FBXW10: variants seen among roughly 807,000 people sequenced by gnomAD.
The protein encoded by FBXW10 is F-box/WD repeat-containing protein 10.
FBXW10 carries 68 observed loss-of-function variants against 113.1 expected under a neutral mutation model. The ratio of observed to expected loss-of-function variants is 0.60; its 90% CI spans 0.49 to 0.74. The LOEUF (loss-of-function observed/expected upper bound fraction) is 0.74, where lower values mean the gene tolerates loss of function less well. Ranked by LOEUF, FBXW10 falls within the 30% of genes least tolerant of loss-of-function variation. The probability of loss-of-function intolerance (pLI) is 0.00; values close to 1 mark genes in which losing one functional copy is unlikely to be tolerated. For synonymous variants in FBXW10, 289 were observed against 481.6 expected (o/e 0.60, Z 5.24); for missense variants, 753 against 1,284.5 (o/e 0.59, Z 6.32).
At chr17:18,757,713 G>A (rs1042737864) in intron 6 of FBXW10, among the ~76,000 whole-genome samples, 1 of 152,214 alleles carries the variant, frequency 6.6e-6, no homozygotes, top group Non-Finnish European at 1.5e-5. Context: ...ACATTATTTG[G>A]TCATCCTGTT....
chr17:18,764,098 C>T (rs2035438954), intron 7 of FBXW10, among the ~76,000 whole-genome samples: 1 of 146,490 alleles, frequency 6.8e-6, no homozygotes, highest in South Asian at 2.3e-4. Flanking sequence ...AAAATATCTC[C>T]AGATATTTCC....
intron 7 of FBXW10, among the ~76,000 whole-genome samples, chr17:18,759,880 A>C (rs1347020753): frequency 1.3e-5 from 2 of 152,034 alleles, no homozygotes; most frequent in African/African-American, 4.8e-5. Context: ...CTCCTAAAGT[A>C]CTGGGATTAC....
At chr17:18,749,977 C>T in intron 3 of FBXW10, 33 bp from the exon 4 acceptor site, 1 of 1,613,928 alleles carries the variant, frequency 6.2e-7, no homozygotes, top group Non-Finnish European at 8.5e-7. Flanking sequence ...TGGCCCAGTT[C>T]TGGGGTTTCT....
chr17:18,767,324 C>T (rs1163012239), intron 9 of FBXW10, among the ~76,000 whole-genome samples: 1 of 151,258 alleles, frequency 6.6e-6, no homozygotes, highest in Non-Finnish European at 1.5e-5. Flanking sequence ...AAAGAAAATA[C>T]AAAAAATTAG....
intron 5 of FBXW10, among the ~76,000 whole-genome samples, chr17:18,755,596 T>G (rs1057243508): frequency 6.6e-6 from 1 of 152,014 alleles, no homozygotes; most frequent in Non-Finnish European, 1.5e-5. Context: ...TGTGTAGCAG[T>G]AATTTCACAG....
At chr17:18,774,651 C>G (rs1179238506) in intron 12 of FBXW10, among the ~76,000 whole-genome samples, 1 of 152,096 alleles carries the variant, frequency 6.6e-6, no homozygotes, top group Non-Finnish European at 1.5e-5. Context: ...AAAAAATTAG[C>G]CGGTGTGGTG....
rs186906770 is a variant in FBXW10 at position 18,747,748 on chromosome 17, A to G, written c.506-193A>G. 1.3e-3 allele frequency among the ~76,000 whole-genome samples: 194 copies of G among 152,140 alleles called. 2 individuals are homozygous for G. Among genetic ancestry groups the G allele is most frequent in the Admixed American group, 0.011 (168 of 15,276 alleles). ...AAATTTTACAATGGGGGCGTGCTGA[A>G]AAGCTAACAGGAAGCTTTCTGAGAT... On this transcript the variant is annotated intron_variant, in intron 1 of 13. Transcript: ENST00000395665.
intron 1 of FBXW10, among the ~76,000 whole-genome samples, chr17:18,747,688 A>ACT (rs771525026): frequency 1.5e-4 from 22 of 150,876 alleles, no homozygotes; most frequent in South Asian, 8.4e-4. Context: ...CCTGACCTCG[A>ACT]CTCTCTCTCT....
intron 11 of FBXW10, among the ~76,000 whole-genome samples, chr17:18,771,116 AAC>A (rs1491415413): frequency 1.3e-4 from 19 of 150,460 alleles, no homozygotes; most frequent in Admixed American, 2.7e-4. Context: ...AAAAAAAAAA[AAC>A]AAAACAAAAC....
At position 18,766,575 on chromosome 17, in the gene FBXW10, C is replaced by T. The variant is rs923639795; in HGVS notation, c.1556-139C>T. The T allele has an allele frequency of 8.3e-5, 95 of 1,143,976 alleles. 1 individual carries two copies. Among genetic ancestry groups the T allele is most frequent in the South Asian group, 3.4e-4 (21 of 62,516 alleles). 70.9% of individuals were successfully genotyped at this position (1,143,976 alleles called of 1,614,324 possible). On this transcript the variant is annotated intron_variant, in intron 8 of 13. Coordinates refer to ENST00000395665, the MANE Select transcript of FBXW10 (RefSeq NM_001267585.2). ...CCTGCTCTGCGGAGGTGCTAGGCCA[C>T]GGGAAGTCCTTCTAGAATCTGACTT... is the stretch of plus-strand genomic sequence containing the variant.
chr17:18,747,999 G>C lies in FBXW10; in HGVS notation c.564G>C (p.Lys188Asn). Residue 188 changes from lysine to asparagine, a missense_variant, in exon 2 of 14, where the codon AAG becomes AAC. Transcript: ENST00000395665. ...CFSPEKDHSS[K>N]SATSQVYWTA... ...CCCCTGAGAAAGACCACAGCTCCAA[G>C]TCTGCGACCTCACAAGTCTATTGGA... is the stretch of plus-strand genomic sequence containing the variant. 1 of 1,613,824 alleles carries C rather than the reference G, an allele frequency of 6.2e-7. No homozygotes were observed.
At chr17:18,771,489 A>G (rs561103604) in intron 11 of FBXW10, among the ~76,000 whole-genome samples, 25 of 152,316 alleles carry the variant, frequency 1.6e-4, no homozygotes, top group African/African-American at 5.8e-4. Flanking sequence ...TCTATGGAGC[A>G]TTAAAGTGGG....
intron 5 of FBXW10, among the ~76,000 whole-genome samples, chr17:18,755,662 A>G (rs1028763870): frequency 6.6e-6 from 1 of 152,178 alleles, no homozygotes; most frequent in African/African-American, 2.4e-5. Context: ...TAATATACAT[A>G]TGACGTTCCG....
chr17:18,776,981 C>A (rs1341651272), intron 13 of FBXW10, among the ~76,000 whole-genome samples: 1 of 150,970 alleles, frequency 6.6e-6, no homozygotes, highest in African/African-American at 2.4e-5. Flanking sequence ...ATCACAATTC[C>A]TTTTTTTATA....
intron 12 of FBXW10, among the ~76,000 whole-genome samples, chr17:18,774,750 G>A (rs1048329951): frequency 6.6e-6 from 1 of 152,216 alleles, no homozygotes; most frequent in African/African-American, 2.4e-5. Flanking sequence ...AGCCGAGATC[G>A]TGCCATTGCA....
At chr17:18,750,553 G>A (rs2035146583) in intron 4 of FBXW10, among the ~76,000 whole-genome samples, 1 of 152,006 alleles carries the variant, frequency 6.6e-6, no homozygotes, top group Admixed American at 6.6e-5. Flanking sequence ...TTCCCCAATG[G>A]CAATCTTCTC....
intron 7 of FBXW10, among the ~76,000 whole-genome samples, chr17:18,758,869 T>C (rs1462019207): frequency 1.3e-5 from 2 of 151,484 alleles, no homozygotes; most frequent in Admixed American, 1.3e-4. Flanking sequence ...AAAATAGTGC[T>C]TTAAAAACAC....
At chr17:18,761,927 A>C (rs1297171955) in intron 7 of FBXW10, among the ~76,000 whole-genome samples, 2 of 152,246 alleles carry the variant, frequency 1.3e-5, no homozygotes, top group East Asian at 3.9e-4. Context: ...TATTAGTTGT[A>C]AAAGCATGTA....
intron 13 of FBXW10, among the ~76,000 whole-genome samples, chr17:18,776,278 G>A (rs1188482368): frequency 6.6e-6 from 1 of 151,946 alleles, no homozygotes; most frequent in East Asian, 1.9e-4. Flanking sequence ...AGCTGAGATC[G>A]TGCCACTGCA....
Sources: allele counts gnomAD v4.1 joint callset (sites outside exome capture counted in the v4.1 genomes callset), GRCh38; gene constraint gnomAD v4.1.1; transcripts MANE v1.5; gene names NCBI Gene and HGNC (gene_info 2026-07-23, HGNC 2026-07-21).